The following ECE1 variants were observed in gnomAD, a reference collection of about 807,000 sequenced individuals.
The protein encoded by ECE1 is endothelin-converting enzyme 1.
ECE1 carries 35 observed loss-of-function variants against 98.6 expected under a neutral mutation model. That is an observed-to-expected ratio of 0.35 (90% CI 0.27 to 0.47). The LOEUF is 0.47. Among genes scored for constraint, ECE1 ranks in the 20% least tolerant of loss-of-function variants. ECE1 has a pLI of 1.00. For synonymous variants in ECE1, 394 were observed against 407.1 expected (o/e 0.97, Z 0.39); for missense variants, 814 against 1,025.3 (o/e 0.79, Z 2.81).
At chr1:21,254,330 T>G (rs1002981691) in intron 8 of ECE1, among the ~76,000 whole-genome samples, 1 of 152,130 alleles carries the variant, frequency 6.6e-6, no homozygotes, top group Non-Finnish European at 1.5e-5. Context: ...TGGCTCATGC[T>G]TATAATCCCA....
At chr1:21,265,473 A>G (rs548984092) in intron 4 of ECE1, among the ~76,000 whole-genome samples, 3 of 152,350 alleles carry the variant, frequency 2.0e-5, no homozygotes, top group South Asian at 4.1e-4. Flanking sequence ...CGGAGGTTGC[A>G]GTGAGCCGAG....
At chr1:21,318,599 C>T (rs1419280190) in intron 1 of ECE1, among the ~76,000 whole-genome samples, 1 of 151,932 alleles carries the variant, frequency 6.6e-6, no homozygotes, top group Non-Finnish European at 1.5e-5. Context: ...TTCTAAAATC[C>T]CATTTTTTGA....
chr1:21,316,895 G>A (rs955871130), intron 1 of ECE1, among the ~76,000 whole-genome samples: 1 of 152,110 alleles, frequency 6.6e-6, no homozygotes, highest in South Asian at 2.1e-4. Context: ...ATCATTTAGG[G>A]AGGCAGAATC....
chr1:21,311,118 G>A (rs1032087112), intron 1 of ECE1, among the ~76,000 whole-genome samples: 6 of 152,200 alleles, frequency 3.9e-5, no homozygotes, highest in African/African-American at 1.4e-4. Context: ...TAGACAAAGT[G>A]TGTGGCACAC....
At chr1:21,298,421 C>T (rs1638415963) in intron 1 of ECE1, 3 of 300,878 alleles carry the variant, frequency 1.0e-5, no homozygotes, top group Admixed American at 8.0e-5. Context: ...CTGTGTGGCC[C>T]TGACCAAGTC....
At chr1:21,256,362 C>T (rs994007849) in intron 7 of ECE1, among the ~76,000 whole-genome samples, 22 of 152,264 alleles carry the variant, frequency 1.4e-4, no homozygotes, top group Admixed American at 1.2e-3. Flanking sequence ...TTGAGACCAA[C>T]CTGGCCAACA....
At chr1:21,266,829 T>G (rs2098234510) in intron 4 of ECE1, 1 of 152,174 alleles carries the variant, frequency 6.6e-6, no homozygotes, top group Non-Finnish European at 1.5e-5. Flanking sequence ...CTTTTCTGCT[T>G]CCCTGTCCTT....
chr1:21,224,786 T>C (rs996745055), intron 17 of ECE1, among the ~76,000 whole-genome samples: 2 of 152,178 alleles, frequency 1.3e-5, no homozygotes, highest in South Asian at 4.1e-4. Flanking sequence ...ATAATGCAGG[T>C]AGTAGCTAAT....
At chr1:21,332,413 C>G (rs150852698) in intron 1 of ECE1, among the ~76,000 whole-genome samples, 167 of 151,518 alleles carry the variant, frequency 1.1e-3, no homozygotes, top group African/African-American at 3.7e-3. Context: ...AGAATCTCGT[C>G]GCTTATTTAA....
intron 11 of ECE1, 62 bp from the exon 12 acceptor site, chr1:21,236,906 C>T (rs1215237050): frequency 9.8e-6 from 14 of 1,421,712 alleles, no homozygotes; most frequent in Non-Finnish European, 1.3e-5. Flanking sequence ...ATGCAACAGG[C>T]ACCCCGTGCA....
upstream of ECE1, among the ~76,000 whole-genome samples, chr1:21,294,844 C>T (rs1638306822): frequency 6.6e-6 from 1 of 152,220 alleles, no homozygotes. The surrounding 1 kb of genome is among the most constrained non-coding windows in gnomAD (Gnocchi z 4.2). Context: ...ACACCCTCCA[C>T]AGCTACTTTC....
chr1:21,338,939 G>A (rs1271750363), intron 1 of ECE1, among the ~76,000 whole-genome samples: 7 of 73,928 alleles, frequency 9.5e-5, no homozygotes, highest in African/African-American at 3.1e-4. Flanking sequence ...AAGGAGGGAA[G>A]GGAGCTGTGG....
rs775473249 is a variant in ECE1 at position 21,233,600 on chromosome 1, C to A, written c.1628G>T (p.Arg543Met). The change falls in exon 14 of 19, where the codon AGG becomes ATG. Residue 543 changes from arginine to methionine, a missense_variant. By Grantham distance (91) the Arg-to-Met change is moderately conservative (BLOSUM62 -1). Coordinates refer to ENST00000374893, the MANE Select transcript of ECE1 (RefSeq NM_001397.3). This position sits in a 1 kb window ranked among gnomAD's most constrained non-coding sequence, Gnocchi z 4.0. ...TTTCCTGAGCTGATCGGCAGTGACCCTCCATGAGAAGTTGAAAAACCGCAT... is the reference window on the plus strand; with the variant it reads ...TTTCCTGAGCTGATCGGCAGTGACCATCCATGAGAAGTTGAAAAACCGCAT... ...NAMRFFNFSWRVTADQLRKAP... is the reference protein window; with the variant it reads ...NAMRFFNFSWMVTADQLRKAP... The A allele has an allele frequency of 3.7e-6, 6 of 1,613,952 alleles. No homozygotes were observed. The highest frequency in any genetic ancestry group is 8.5e-7 in the Non-Finnish European group (1 of 1,180,012).
At chr1:21,270,989 T>C (rs1371385830) in intron 4 of ECE1, among the ~76,000 whole-genome samples, 1 of 152,224 alleles carries the variant, frequency 6.6e-6, no homozygotes, top group Non-Finnish European at 1.5e-5. Flanking sequence ...AGTCTTGCAA[T>C]GATAGACATA....
Position 21,325,076 on chromosome 1 carries a change from G to C in ECE1, c.3+20300C>G, listed in dbSNP as rs558076255. On this transcript the variant is annotated intron_variant, in intron 1 of 18. Transcript: ENST00000415912. Reference sequence around the variant, plus strand: ...CTCTAAAGAAACACGTTACACAATAGAGGGGGGTTGAGACTGGTTGCAAAA... The same window carrying C: ...CTCTAAAGAAACACGTTACACAATACAGGGGGGTTGAGACTGGTTGCAAAA... Among the ~76,000 whole-genome samples the C allele has an allele frequency of 1.3e-3, 198 of 152,338 alleles. 1 individual carries two copies. Among genetic ancestry groups the C allele is most frequent in the Non-Finnish European group, 2.5e-3 (167 of 68,040 alleles).
intron 14 of ECE1, among the ~76,000 whole-genome samples, chr1:21,228,649 C>T (rs12740804): frequency 2.0e-5 from 3 of 151,702 alleles, no homozygotes; most frequent in East Asian, 4.0e-4. Context: ...ATTAGCCAGG[C>T]GTGGTGGCGC....
chr1:21,318,171 T>C (rs1415646219), intron 1 of ECE1, among the ~76,000 whole-genome samples: 2 of 152,094 alleles, frequency 1.3e-5, no homozygotes, highest in Non-Finnish European at 2.9e-5. Context: ...GGGAGAGCAG[T>C]GGGCAAGACC....
At chr1:21,274,061 C>T (rs971204237) in intron 3 of ECE1, among the ~76,000 whole-genome samples, 3 of 152,240 alleles carry the variant, frequency 2.0e-5, no homozygotes, top group Non-Finnish European at 4.4e-5. Context: ...CTTTACTGAA[C>T]GTGGCCGTGT....
chr1:21,335,198 C>A (rs61781599), intron 1 of ECE1, among the ~76,000 whole-genome samples: 2 of 152,032 alleles, frequency 1.3e-5, no homozygotes, highest in Non-Finnish European at 2.9e-5. Context: ...CGGCTGCCCC[C>A]TCCTCAACCT....
Sources: gnomAD v4.1 joint callset for allele counts (sites outside exome capture counted in the v4.1 genomes callset) on GRCh38, gnomAD v4.1.1 for gene constraint, Gnocchi (gnomAD v3.1) non-coding constraint, MANE v1.5 for transcripts, NCBI Gene and HGNC (gene_info 2026-07-23, HGNC 2026-07-21) for gene names.